The following RABGAP1L variants were observed in gnomAD, a reference collection of about 807,000 sequenced individuals.
The protein encoded by RABGAP1L is rab GTPase-activating protein 1-like.
Under a neutral mutation model 137.7 loss-of-function variants are expected in RABGAP1L, and 63 were observed. The observed-to-expected ratio is 0.46, with a 90% confidence interval of 0.37 to 0.56. The LOEUF (loss-of-function observed/expected upper bound fraction) is 0.56, where lower values mean the gene tolerates loss of function less well. Among genes scored for constraint, RABGAP1L ranks in the 20% least tolerant of loss-of-function variants. The probability of loss-of-function intolerance (pLI) is 0.00; values close to 1 mark genes in which losing one functional copy is unlikely to be tolerated. For missense variants in RABGAP1L, 1,095 were observed against 1,244.0 expected (o/e 0.88, Z 1.80); for synonymous variants, 431 against 433.7 (o/e 0.99, Z 0.08).
chr1:174,483,833 A>AT (rs994755913), intron 13 of RABGAP1L, among the ~76,000 whole-genome samples: 1 of 152,008 alleles, frequency 6.6e-6, no homozygotes, highest in Non-Finnish European at 1.5e-5. Context: ...AAAAAAAAAA[A>AT]TCTTGGTTAT....
chr1:174,360,323 A>C (rs1205153053), intron 11 of RABGAP1L, among the ~76,000 whole-genome samples: 2 of 152,222 alleles, frequency 1.3e-5, no homozygotes, highest in African/African-American at 4.8e-5. Flanking sequence ...ACTCAGAAAT[A>C]AAAGAAGTAT....
intron 13 of RABGAP1L, among the ~76,000 whole-genome samples, chr1:174,522,578 AAAAAG>A (rs1663515565): frequency 1.3e-5 from 2 of 152,152 alleles, no homozygotes. Flanking sequence ...GGAAGGGAAA[AAAAAG>A]AAAAAAGAAA....
chr1:174,441,295 G>T (rs1654116418), intron 13 of RABGAP1L, among the ~76,000 whole-genome samples: 1 of 151,944 alleles, frequency 6.6e-6, no homozygotes, highest in Admixed American at 6.6e-5. Flanking sequence ...AGCGAATTAT[G>T]CCTAATTTAA....
At chr1:174,978,155 T>C (rs1392152469) in intron 22 of RABGAP1L, among the ~76,000 whole-genome samples, 1 of 152,206 alleles carries the variant, frequency 6.6e-6, no homozygotes, top group Non-Finnish European at 1.5e-5. Context: ...CCTAGAATTC[T>C]AGAGCTGCTG....
rs200047503 is a variant in RABGAP1L, at chr1:174,502,717, TAC to T, written c.1710+108584_1710+108585del. Among the ~76,000 whole-genome samples, 182 of 150,594 alleles carry T rather than the reference TAC, an allele frequency of 1.2e-3. 3 individuals are homozygous for T. Among genetic ancestry groups the T allele is most frequent in the Non-Finnish European group, 1.4e-3 (96 of 67,702 alleles). On this transcript the variant is annotated intron_variant, in intron 13 of 25. Coordinates refer to ENST00000681986, the MANE Select transcript of RABGAP1L (RefSeq NM_001366446.1). The stretch of plus-strand genomic sequence containing the variant: ...ATATATACATATATGTGCATATATA[TAC>T]ACACACACACATATATATATTTATA...
intron 18 of RABGAP1L, among the ~76,000 whole-genome samples, chr1:174,777,117 C>T (rs868293205): frequency 6.6e-6 from 1 of 152,150 alleles, no homozygotes; most frequent in African/African-American, 2.4e-5. Context: ...ACATATTTGA[C>T]GTTTTAAGTT....
At chr1:174,664,688 T>A (rs2148428811) in intron 14 of RABGAP1L, among the ~76,000 whole-genome samples, 2 of 151,370 alleles carry the variant, frequency 1.3e-5, no homozygotes, top group African/African-American at 4.8e-5. Flanking sequence ...ATTTTGTGAT[T>A]ATGGTTCTTT....
intron 13 of RABGAP1L, among the ~76,000 whole-genome samples, chr1:174,580,671 C>G (rs1006578713): frequency 3.3e-5 from 5 of 152,080 alleles, no homozygotes; most frequent in African/African-American, 1.2e-4. Context: ...AGGAGATATA[C>G]CTGATGTTAA....
At chr1:174,261,586 TCTC>T (rs1253946050) in intron 7 of RABGAP1L, among the ~76,000 whole-genome samples, 1 of 152,164 alleles carries the variant, frequency 6.6e-6, no homozygotes, top group Non-Finnish European at 1.5e-5. Context: ...ACTCTCTTCT[TCTC>T]ATGAAACAGT....
At chr1:174,583,995 GT>G (rs1219996626) in intron 13 of RABGAP1L, among the ~76,000 whole-genome samples, 1 of 152,056 alleles carries the variant, frequency 6.6e-6, no homozygotes, top group African/African-American at 2.4e-5. Flanking sequence ...TAAAACCCGA[GT>G]TTTTTTCACT....
At chr1:174,350,109 CG>C (rs1682978120) in intron 11 of RABGAP1L, among the ~76,000 whole-genome samples, 2 of 139,476 alleles carry the variant, frequency 1.4e-5, no homozygotes, top group African/African-American at 5.5e-5. Flanking sequence ...ACCTCCCTCC[CG>C]GACGGCACGG....
At chr1:174,477,556 A>G (rs1056107634) in intron 13 of RABGAP1L, among the ~76,000 whole-genome samples, 5 of 152,326 alleles carry the variant, frequency 3.3e-5, no homozygotes, top group African/African-American at 9.6e-5. Flanking sequence ...TTTGCTTTCT[A>G]TAGCATTGTT....
intron 13 of RABGAP1L, among the ~76,000 whole-genome samples, chr1:174,483,686 G>T (rs538314966): frequency 6.6e-6 from 1 of 152,186 alleles, no homozygotes; most frequent in Non-Finnish European, 1.5e-5. Flanking sequence ...AATTAGCCAG[G>T]CATTGTGGCA....
intron 13 of RABGAP1L, among the ~76,000 whole-genome samples, chr1:174,421,352 G>GT (rs1197871458): frequency 6.6e-6 from 1 of 151,986 alleles, no homozygotes; most frequent in Admixed American, 6.5e-5. Context: ...TTCCATCTTT[G>GT]TTTTTTTACA....
intron 19 of RABGAP1L, among the ~76,000 whole-genome samples, chr1:174,820,455 C>T (rs1690898638): frequency 6.6e-6 from 1 of 152,130 alleles, no homozygotes. Context: ...CTGGTAGTTT[C>T]TGACACTGGT....
intron 17 of RABGAP1L, among the ~76,000 whole-genome samples, chr1:174,706,948 C>T (rs149619011): frequency 6.6e-6 from 1 of 152,196 alleles, no homozygotes; most frequent in East Asian, 1.9e-4. Flanking sequence ...CTATTGTTGA[C>T]GGTTATTTGA....
chr1:174,851,720 G>C (rs1648388361), intron 19 of RABGAP1L, among the ~76,000 whole-genome samples: 1 of 150,692 alleles, frequency 6.6e-6, no homozygotes, highest in Non-Finnish European at 1.5e-5. Context: ...GAGTCTCTCT[G>C]TGGTTGCCCA....
chr1:174,168,264 CAAAAAAAAAAAA>C (rs3056992), intron 1 of RABGAP1L, among the ~76,000 whole-genome samples: 1 of 64,718 alleles, frequency 1.5e-5, no homozygotes. Flanking sequence ...GACTCGGTCT[CAAAAAAAAAAAA>C]AAAAAAAAAA....
At chr1:174,794,536 A>G (rs1688098588) in intron 18 of RABGAP1L, among the ~76,000 whole-genome samples, 2 of 152,258 alleles carry the variant, frequency 1.3e-5, no homozygotes, top group Non-Finnish European at 2.9e-5. Context: ...TGATGTTGCC[A>G]TACAGAAGCT....
Sources: gnomAD v4.1 joint callset for allele counts (sites outside exome capture counted in the v4.1 genomes callset) on GRCh38, gnomAD v4.1.1 for gene constraint, MANE v1.5 for transcripts, NCBI Gene and HGNC (gene_info 2026-07-23, HGNC 2026-07-21) for gene names.